Variants in OR6N1 observed in about 807,000 individuals in gnomAD.
OR6N1 encodes olfactory receptor family 6 subfamily N member 1.
For missense variants in OR6N1, 394 were observed against 371.7 expected, an observed-to-expected ratio of 1.06 and a Z score of -0.49; for synonymous variants, 170 against 150.7, an observed-to-expected ratio of 1.13 and a Z score of -0.94.
chr1:158,808,155 T>TA, the OR6N1 span, among the ~76,000 whole-genome samples: 1 of 83,330 alleles, frequency 1.2e-5, no homozygotes, highest in Non-Finnish European at 2.3e-5. Flanking sequence ...TTTTTTTTTT[T>TA]AAGACGGAGT....
chr1:158,765,557 A>C lies in OR6N1; in HGVS notation c.*187T>G. 1.8e-6 allele frequency: 1 copy of C among 562,966 alleles called. No individual in the cohort carries two copies. The highest frequency in any genetic ancestry group is 2.6e-5 in the South Asian group (1 of 39,126). The allele number at this position is 562,966 out of a possible 1,614,324, so 34.9% of individuals were successfully genotyped here. On this transcript the variant is annotated 3_prime_UTR_variant, in exon 2 of 2. Coordinates refer to ENST00000641846, the MANE Select transcript of OR6N1 (RefSeq NM_001005185.2). ...TGTACTTTCCCTAGTCTCTGGTCTC[A>C]AGCCAAATGTGGCTCCAGCAGACAG...
At chr1:158,777,846 G>T in the OR6N1 span, among the ~76,000 whole-genome samples, 12 of 152,102 alleles carry the variant, frequency 7.9e-5, no homozygotes, top group Non-Finnish European at 1.5e-4. Context: ...CAAGTGTCTT[G>T]CATTCAATAT....
At chr1:158,835,740 G>C in the OR6N1 span, among the ~76,000 whole-genome samples, 3 of 152,016 alleles carry the variant, frequency 2.0e-5, no homozygotes, top group African/African-American at 7.2e-5. Flanking sequence ...TTACCATTGG[G>C]AATAATGTTA....
chr1:158,821,664 G>C, the OR6N1 span, among the ~76,000 whole-genome samples: 1 of 152,200 alleles, frequency 6.6e-6, no homozygotes, highest in Admixed American at 6.5e-5. Flanking sequence ...ATATACCACA[G>C]TTTATTGATC....
chr1:158,830,550 G>T, the OR6N1 span, among the ~76,000 whole-genome samples: 4 of 152,164 alleles, frequency 2.6e-5, no homozygotes, highest in East Asian at 7.7e-4. Context: ...CCATTCATTT[G>T]ACAATTCAGA....
At chr1:158,828,181 C>T in the OR6N1 span, among the ~76,000 whole-genome samples, 1 of 152,264 alleles carries the variant, frequency 6.6e-6, no homozygotes, top group East Asian at 1.9e-4. Context: ...CATTCTACCC[C>T]TGGCCCCTCC....
the OR6N1 span, among the ~76,000 whole-genome samples, chr1:158,784,092 C>T: frequency 2.0e-5 from 3 of 151,952 alleles, no homozygotes; most frequent in East Asian, 1.9e-4. Context: ...GGCGACGGAG[C>T]GAGACTCCCT....
chr1:158,766,771 A>G, intron 1 of OR6N1, 71 bp from the exon 2 acceptor site: 1 of 906,434 alleles, frequency 1.1e-6, no homozygotes, highest in Non-Finnish European at 1.6e-6. Flanking sequence ...GCAACCCTCA[A>G]ATTACTATTG....
At chr1:158,787,620 ATCTCTCTCTCTC>A in the OR6N1 span, among the ~76,000 whole-genome samples, 1 of 122,574 alleles carries the variant, frequency 8.2e-6, no homozygotes, top group Non-Finnish European at 1.7e-5. Context: ...CTATCTCTCT[ATCTCTCTCTCTC>A]TCTCACACAC....
chr1:158,800,742 T>G, the OR6N1 span, among the ~76,000 whole-genome samples: 1 of 152,226 alleles, frequency 6.6e-6, no homozygotes, highest in Non-Finnish European at 1.5e-5. Flanking sequence ...ACATCATTTT[T>G]CAAAAACAGG....
chr1:158,831,200 T>C, the OR6N1 span: 1 of 152,256 alleles, frequency 6.6e-6, no homozygotes, highest in Non-Finnish European at 1.5e-5. Context: ...CACCATTTAC[T>C]GTCATTTCTC....
At chr1:158,796,005 A>G in the OR6N1 span, 1 of 152,302 alleles carries the variant, frequency 6.6e-6, no homozygotes, top group Admixed American at 6.5e-5. Flanking sequence ...ATCATGGAAA[A>G]AAAGTAAAAG....
the OR6N1 span, among the ~76,000 whole-genome samples, chr1:158,786,637 G>C: frequency 1.3e-5 from 2 of 152,214 alleles, no homozygotes; most frequent in East Asian, 3.9e-4. Context: ...AGAAAATGTG[G>C]TATATATACA....
chr1:158,814,021 A>C, the OR6N1 span, among the ~76,000 whole-genome samples: 2 of 152,118 alleles, frequency 1.3e-5, no homozygotes, highest in Non-Finnish European at 2.9e-5. Flanking sequence ...CTATTGAAAC[A>C]AATACATGAA....
At chr1:158,796,724 G>A in the OR6N1 span, among the ~76,000 whole-genome samples, 1 of 151,958 alleles carries the variant, frequency 6.6e-6, no homozygotes, top group African/African-American at 2.4e-5. Context: ...GTTGGTTACT[G>A]GTTCCTTGCT....
chr1:158,787,091 G>A, the OR6N1 span, among the ~76,000 whole-genome samples: 4 of 151,978 alleles, frequency 2.6e-5, no homozygotes, highest in Admixed American at 6.5e-5. Flanking sequence ...AGTCATGTTC[G>A]GTCATGGGGG....
At chr1:158,839,819 G>A in the OR6N1 span, among the ~76,000 whole-genome samples, 1 of 152,090 alleles carries the variant, frequency 6.6e-6, no homozygotes, top group Non-Finnish European at 1.5e-5. Context: ...ACATTAGTTT[G>A]GTTCATAAAT....
chr1:158,832,686 C>A, the OR6N1 span, among the ~76,000 whole-genome samples: 2 of 151,694 alleles, frequency 1.3e-5, no homozygotes, highest in Non-Finnish European at 2.9e-5. Flanking sequence ...TACTTATTGA[C>A]TTAAGCCTAT....
upstream of OR6N1, among the ~76,000 whole-genome samples, chr1:158,772,954 A>T (rs1657460810): frequency 1.3e-5 from 2 of 152,202 alleles, no homozygotes; most frequent in South Asian, 4.1e-4. Context: ...CACATATATA[A>T]TTATTTGTCA....
Sources: gnomAD v4.1 joint callset for allele counts (sites outside exome capture counted in the v4.1 genomes callset) on GRCh38, gnomAD v4.1.1 for gene constraint, MANE v1.5 for transcripts, NCBI Gene and HGNC (gene_info 2026-07-23, HGNC 2026-07-21) for gene names.